CHD3: variants seen among roughly 807,000 people sequenced by gnomAD.
CHD3 encodes ATP-dependent chromatin remodeler CHD3.
In CHD3, 52 loss-of-function variants were observed where a neutral mutation model predicts 248.9. The observed-to-expected ratio is 0.21, with a 90% confidence interval of 0.17 to 0.26. The LOEUF (loss-of-function observed/expected upper bound fraction) is 0.26, where lower values mean the gene tolerates loss of function less well. CHD3 is among the 10% of genes least tolerant of loss of function. CHD3 has a pLI of 1.00. For missense variants in CHD3, 1,482 were observed against 2,605.8 expected, an observed-to-expected ratio of 0.57 and a Z score of 9.39; for synonymous variants, 985 against 985.2, an observed-to-expected ratio of 1.00 and a Z score of 0.00.
intron 4 of CHD3, among the ~76,000 whole-genome samples, chr17:7,892,653 C>T (rs1251154256): frequency 1.3e-5 from 2 of 151,988 alleles, no homozygotes; most frequent in African/African-American, 2.4e-5. Flanking sequence ...CGCACCACTA[C>T]ACCCAGCTAA....
upstream of CHD3, among the ~76,000 whole-genome samples, chr17:7,887,257 C>G (rs1461359927): frequency 6.6e-6 from 1 of 152,152 alleles, no homozygotes; most frequent in Non-Finnish European, 1.5e-5. Context: ...TGCTTTGATT[C>G]TCACCATTTT....
chr17:7,909,422 C>T lies in CHD3; in HGVS notation c.5590+84C>T, dbSNP rs1298424098. The T allele has an allele frequency of 1.4e-6, 2 of 1,449,168 alleles. No homozygotes were observed. The highest frequency in any genetic ancestry group is 2.8e-5 in the African/African-American group (2 of 70,330). The allele number at this position is 1,449,168 out of a possible 1,614,324, so 89.8% of individuals were successfully genotyped here. ...CCCGCACCCCTCAAAATCTTCCCAC[C>T]CCCTGACCCCTCTACCTGCTGAACC... On this transcript the variant is annotated intron_variant, in intron 37 of 39. Coordinates refer to ENST00000330494, the MANE Select transcript of CHD3 (RefSeq NM_001005273.3). This position sits in a 1 kb window ranked among gnomAD's most constrained non-coding sequence, Gnocchi z 8.1.
chr17:7,908,261 C>A lies in CHD3; in HGVS notation c.5153-141C>A. On this transcript the variant is annotated intron_variant, in intron 34 of 39. Transcript: ENST00000330494. The surrounding 1 kb of genome is among the most constrained non-coding windows in gnomAD (Gnocchi z 5.8). ...GAACCTGGTTAGAACTGAGTTTGTT[C>A]CAAACCTAACCTTTACCCATTCCTC... The A allele has an allele frequency of 1.2e-6, 1 of 839,286 alleles. No homozygotes were observed. The highest frequency in any genetic ancestry group is 1.8e-5 in the South Asian group (1 of 56,040). 52.0% of individuals were successfully genotyped at this position (839,286 alleles called of 1,614,324 possible). A position where few individuals can be genotyped will look rare whatever the true frequency, so the allele number is the denominator to read the frequency against.
chr17:7,902,627 C>T lies in CHD3; in HGVS notation c.3270C>T (p.Asp1090=). 1 of 1,613,000 alleles carries T rather than the reference C, an allele frequency of 6.2e-7. No individual in the cohort carries two copies. The highest frequency in any genetic ancestry group is 8.5e-7 in the Non-Finnish European group (1 of 1,179,190). ...LIFSQMTKML[D]LLEDFLDYEG... is the part of the protein sequence containing the mutation. ...TGCTCTAGATGACCAAAATGTTAGA[C>T]TTGCTTGAGGACTTCTTAGACTATG... The change falls in exon 21 of 40, where the codon GAC becomes GAT. Residue 1090 remains aspartate, a synonymous_variant. Transcript: ENST00000330494.
chr17:7,888,297 C>G (rs1188614497), upstream of CHD3, among the ~76,000 whole-genome samples: 2 of 152,230 alleles, frequency 1.3e-5, no homozygotes, highest in East Asian at 3.8e-4. Flanking sequence ...GGCAGCGACT[C>G]TGAGGCAGTG....
In CHD3 at chr17:7,901,236, CT is replaced by C; in HGVS notation, c.3121-4del. ...ACCCCCTCCTCCTCCTCTCTCCTCC[CT>C]TTTCAGGAGTCCCCCAAACTCCCCA... On this transcript the variant is annotated splice_region_variant and splice_polypyrimidine_tract_variant and intron_variant, in intron 19 of 39. Transcript: ENST00000330494. The C allele has an allele frequency of 6.3e-7, 1 of 1,593,434 alleles. No individual in the cohort carries two copies. Among genetic ancestry groups the C allele is most frequent in the Non-Finnish European group, 8.6e-7 (1 of 1,168,006 alleles).
In CHD3 at chr17:7,904,381, G is replaced by T. The variant is rs1011698457; in HGVS notation, c.3895-61G>T. On this transcript the variant is annotated intron_variant, in intron 24 of 39. Coordinates refer to ENST00000330494, the MANE Select transcript of CHD3 (RefSeq NM_001005273.3). The surrounding 1 kb of genome is among the most constrained non-coding windows in gnomAD (Gnocchi z 4.4). ...GACGCAGCAGAGTAGGGATTTCCTT[G>T]CAGTGGAAGGATTAGCAAAGAAGGA... 7 of 1,492,084 alleles carry T rather than the reference G, an allele frequency of 4.7e-6. No individual in the cohort carries two copies. In the African/African-American group the frequency reaches 9.7e-5, roughly 21 times the overall value. The allele number at this position is 1,492,084 out of a possible 1,614,324, so 92.4% of individuals were successfully genotyped here. A position where few individuals can be genotyped will look rare whatever the true frequency, so the allele number is the denominator to read the frequency against.
Position 7,900,231 on chromosome 17 carries a change from G to A in CHD3, c.2683-59G>A. ...GGGGCAGGGAAAGGCTGATGCTGTG[G>A]GTCGGTCACTTGTCACTAATAAGCC... On this transcript the variant is annotated intron_variant, in intron 16 of 39. Coordinates refer to ENST00000330494, the MANE Select transcript of CHD3 (RefSeq NM_001005273.3). The surrounding 1 kb of genome is among the most constrained non-coding windows in gnomAD (Gnocchi z 6.5). 1.2e-6 allele frequency: 2 copies of A among 1,608,176 alleles called. No homozygotes were observed. The highest frequency in any genetic ancestry group is 1.7e-6 in the Non-Finnish European group (2 of 1,176,632).
Position 7,890,749 on chromosome 17 carries a change from G to A in CHD3, c.384+8G>A. 6.3e-7 allele frequency: 1 copy of A among 1,590,942 alleles called. No individual in the cohort carries two copies. Among genetic ancestry groups the A allele is most frequent in the East Asian group, 2.3e-5 (1 of 44,310 alleles). ...GGAGATGGGGGGCAAAAGGTGAGTAGAATTAGGGAATGAGAGTGAGAAATC... is the reference window on the plus strand; with the variant it reads ...GGAGATGGGGGGCAAAAGGTGAGTAAAATTAGGGAATGAGAGTGAGAAATC... On this transcript the variant is annotated splice_region_variant and intron_variant, in intron 3 of 39. Coordinates refer to ENST00000330494, the MANE Select transcript of CHD3 (RefSeq NM_001005273.3).
rs1435562335 is a variant in CHD3 at position 7,895,805 on chromosome 17, A to G, written c.1707+263A>G. ...TGTCCTTCCTTATCTGTCTTTTTCCATGTTTTATAATATTCCTGGCTGGGC... is the reference window on the plus strand; with the variant it reads ...TGTCCTTCCTTATCTGTCTTTTTCCGTGTTTTATAATATTCCTGGCTGGGC... On this transcript the variant is annotated intron_variant, in intron 10 of 39. Coordinates refer to ENST00000330494, the MANE Select transcript of CHD3 (RefSeq NM_001005273.3). The surrounding 1 kb of genome is among the most constrained non-coding windows in gnomAD (Gnocchi z 4.9). Among the ~76,000 whole-genome samples, 1 of 151,826 alleles carries G rather than the reference A, an allele frequency of 6.6e-6. No individual in the cohort carries two copies. The highest frequency in any genetic ancestry group is 1.5e-5 in the Non-Finnish European group (1 of 67,986).
At chr17:7,896,263 T>A (rs1969640515) in intron 10 of CHD3, among the ~76,000 whole-genome samples, 1 of 151,606 alleles carries the variant, frequency 6.6e-6, no homozygotes, top group African/African-American at 2.4e-5. Flanking sequence ...TTCTCAATGT[T>A]TCTAATCCCA....
rs1345133602 is a variant in CHD3 at position 7,903,524 on chromosome 17, T to C, written c.3727+21T>C. On this transcript the variant is annotated intron_variant, in intron 23 of 39. Transcript: ENST00000330494. This position sits in a 1 kb window ranked among gnomAD's most constrained non-coding sequence, Gnocchi z 6.8. ...CGAGGGTGAGAACCTTTTCTGCAGC[T>C]CTGTGAAAGCAGGCCCCTGCTCTCT... 1 of 1,587,536 alleles carries C rather than the reference T, an allele frequency of 6.3e-7. No homozygotes were observed. Among genetic ancestry groups the C allele is most frequent in the Non-Finnish European group, 8.6e-7 (1 of 1,160,932 alleles).
In CHD3 at chr17:7,889,015, C is replaced by CA. The variant is rs1567831529; in HGVS notation, c.16dup (p.Thr6AsnfsTer9). On this transcript the variant is annotated frameshift_variant, in exon 1 of 40. Coordinates refer to ENST00000330494, the MANE Select transcript of CHD3 (RefSeq NM_001005273.3). LOFTEE classifies it high-confidence loss of function. This position sits in a 1 kb window ranked among gnomAD's most constrained non-coding sequence, Gnocchi z 4.5. ...TCTCCTGTGTGATGAAGGCGGCAGA[C>CA]ACTGTGATCCTGTGGGCAAGAAGTA... 2 of 1,614,204 alleles carry CA rather than the reference C, an allele frequency of 1.2e-6. No individual in the cohort carries two copies. Among genetic ancestry groups the CA allele is most frequent in the East Asian group, 2.2e-5 (1 of 44,886 alleles).
rs73977777 is a variant in CHD3, at chr17:7,901,064, G to A, written c.3120+71G>A. ...AACATGGGTGGGGAGTAGTGGGGAG[G>A]TGGGTATTGAGCCACAGGGGTGGAG... On this transcript the variant is annotated intron_variant, in intron 19 of 39. Transcript: ENST00000330494. 2.2e-3 allele frequency: 3,405 copies of A among 1,570,072 alleles called. 63 individuals are homozygous for A. The African/African-American group carries it at 0.041, about 19-fold the overall frequency.
chr17:7,903,683 A>G lies in CHD3; in HGVS notation c.3728-142A>G. On this transcript the variant is annotated intron_variant, in intron 23 of 39. Coordinates refer to ENST00000330494, the MANE Select transcript of CHD3 (RefSeq NM_001005273.3). This position sits in a 1 kb window ranked among gnomAD's most constrained non-coding sequence, Gnocchi z 6.8. ...CTTTGCCTGTAGGGTTAAAACAAAC[A>G]AAACAAAAACCTTTCAACATTGGCT... 9.0e-7 allele frequency: 1 copy of G among 1,115,816 alleles called. No homozygotes were observed. Among genetic ancestry groups the G allele is most frequent in the Non-Finnish European group, 1.3e-6 (1 of 790,582 alleles). 69.1% of individuals were successfully genotyped at this position (1,115,816 alleles called of 1,614,324 possible). A position where few individuals can be genotyped will look rare whatever the true frequency, so the allele number is the denominator to read the frequency against.
intron 6 of CHD3, 79 bp from the exon 7 acceptor site, chr17:7,894,036 T>TCCAGAGACAGGGATCCGTGAGGGAG (rs1555608593): frequency 8.7e-7 from 1 of 1,153,698 alleles, no homozygotes; most frequent in Non-Finnish European, 1.2e-6. Flanking sequence ...CCGTGAGGGA[T>TCCAGAGACAGGGATCCGTGAGGGAG]GGCGGAACAG....
chr17:7,895,583 T>G lies in CHD3; in HGVS notation c.1707+41T>G. On this transcript the variant is annotated intron_variant, in intron 10 of 39. Coordinates refer to ENST00000330494, the MANE Select transcript of CHD3 (RefSeq NM_001005273.3). This position sits in a 1 kb window ranked among gnomAD's most constrained non-coding sequence, Gnocchi z 4.9. ...CTTTCCCTCTCCCCCATGACCTCAT[T>G]TCCTGCCATCCTCTCCCTCTCTTAC... is the stretch of plus-strand genomic sequence containing the variant. The G allele has an allele frequency of 1.9e-6, 3 of 1,543,204 alleles. No individual in the cohort carries two copies. The highest frequency in any genetic ancestry group is 2.7e-6 in the Non-Finnish European group (3 of 1,117,600).
intron 19 of CHD3, 56 bp from the exon 20 acceptor site, chr17:7,901,188 A>C: frequency 6.4e-7 from 1 of 1,551,864 alleles, no homozygotes; most frequent in Non-Finnish European, 8.7e-7. Flanking sequence ...TGTGGCAAGA[A>C]TATGGGGGCA....
At position 7,906,495 on chromosome 17, in the gene CHD3, C is replaced by T. The variant is rs1011049259; in HGVS notation, c.4359-58C>T. On this transcript the variant is annotated intron_variant, in intron 28 of 39. Transcript: ENST00000330494. The surrounding 1 kb of genome is among the most constrained non-coding windows in gnomAD (Gnocchi z 5.0). The stretch of plus-strand genomic sequence containing the variant: ...CTCAGTCATCCTCGCGCCTCCCTCA[C>T]TGCCCTATACCCCTTCTGTGGCTCC... 2 of 1,590,202 alleles carry T rather than the reference C, an allele frequency of 1.3e-6. No individual in the cohort carries two copies. Among genetic ancestry groups the T allele is most frequent in the South Asian group, 1.1e-5 (1 of 89,470 alleles).
Sources: gnomAD v4.1 joint callset for allele counts (sites outside exome capture counted in the v4.1 genomes callset) on GRCh38, gnomAD v4.1.1 for gene constraint, Gnocchi (gnomAD v3.1) non-coding constraint, MANE v1.5 for transcripts, NCBI Gene and HGNC (gene_info 2026-07-23, HGNC 2026-07-21) for gene names.